Variants in SYT2 observed in about 807,000 individuals in gnomAD.
SYT2 encodes synaptotagmin-2.
A neutral mutation model predicts 39.9 loss-of-function variants in SYT2; 15 were observed. The ratio of observed to expected loss-of-function variants is 0.38; its 90% CI spans 0.25 to 0.58. SYT2 has a LOEUF of 0.58. Ranked by LOEUF, SYT2 falls within the 20% of genes least tolerant of loss-of-function variation. SYT2 has a pLI of 0.70. For missense variants in SYT2, 389 were observed against 530.3 expected, an observed-to-expected ratio of 0.73 and a Z score of 2.62; for synonymous variants, 181 against 204.5, an observed-to-expected ratio of 0.89 and a Z score of 0.98.
intron 1 of SYT2, among the ~76,000 whole-genome samples, chr1:202,612,524 C>T (rs1321828251): frequency 1.3e-5 from 2 of 152,234 alleles, no homozygotes; most frequent in Non-Finnish European, 2.9e-5. Context: ...CATGCCACCA[C>T]AACTGGCTAA....
At chr1:202,605,824 TC>T in intron 1 of SYT2, 35 bp from the exon 2 acceptor site, 1 of 1,556,828 alleles carries the variant, frequency 6.4e-7, no homozygotes, top group Non-Finnish European at 8.8e-7. Flanking sequence ...AGGGTGAGCA[TC>T]CAGAGGTCGT....
chr1:202,701,283 TGTTG>T (rs1385452576), intron 1 of SYT2, among the ~76,000 whole-genome samples: 1 of 152,228 alleles, frequency 6.6e-6, no homozygotes, highest in African/African-American at 2.4e-5. Flanking sequence ...AACTGGAGTT[TGTTG>T]GTTGTTCTTT....
intron 1 of SYT2, among the ~76,000 whole-genome samples, chr1:202,692,370 A>G (rs1653858698): frequency 6.6e-6 from 1 of 152,056 alleles, no homozygotes; most frequent in South Asian, 2.1e-4. Flanking sequence ...GGGGCAGGCA[A>G]TGAGGTATCT....
chr1:202,678,388 T>A (rs1463449112), intron 1 of SYT2, among the ~76,000 whole-genome samples: 1 of 135,802 alleles, frequency 7.4e-6, no homozygotes, highest in Non-Finnish European at 1.7e-5. Flanking sequence ...AAAGATTCTA[T>A]GACTGAGGTA....
chr1:202,655,758 C>T (rs1348810173), intron 1 of SYT2, among the ~76,000 whole-genome samples: 2 of 152,174 alleles, frequency 1.3e-5, no homozygotes, highest in Non-Finnish European at 2.9e-5. Context: ...GTCTGAGGGA[C>T]AACAGGAGTG....
chr1:202,686,442 G>A (rs1653668282), intron 1 of SYT2, among the ~76,000 whole-genome samples: 2 of 152,154 alleles, frequency 1.3e-5, no homozygotes, highest in Non-Finnish European at 2.9e-5. Flanking sequence ...AGACAGATAA[G>A]GTCTCAAGGA....
intron 1 of SYT2, among the ~76,000 whole-genome samples, chr1:202,691,541 C>T (rs12058447): frequency 0.58 from 87,274 of 151,072 alleles, 26,095 homozygotes; most frequent in East Asian, 0.78. Flanking sequence ...TTCCAGCTAC[C>T]TGGGAGGCTG....
chr1:202,687,666 C>CAAA lies in SYT2; in HGVS notation c.-18+22589_-18+22591dup, dbSNP rs59844832. ...GGGCAACAAGAGTGAAACTCCATCT[C>CAAA]AAAAAAAAAAAAAAAAAAGAAAAGA... is the stretch of plus-strand genomic sequence containing the variant. On this transcript the variant is annotated intron_variant, in intron 1 of 8. Coordinates refer to ENST00000367268, the MANE Select transcript of SYT2 (RefSeq NM_177402.5). Among the ~76,000 whole-genome samples the CAAA allele has an allele frequency of 2.1e-3, 180 of 83,812 alleles. 1 individual carries two copies. The highest frequency in any genetic ancestry group is 0.016 in the East Asian group (57 of 3,572). The allele number at this position is 83,812 out of a possible 152,430, so 55.0% of individuals were successfully genotyped here.
chr1:202,708,314 T>C lies in SYT2; in HGVS notation c.-18+1944A>G, dbSNP rs568237685. Among the ~76,000 whole-genome samples the C allele has an allele frequency of 1.6e-4, 24 of 152,080 alleles. No homozygotes were observed. In the South Asian group the frequency reaches 5.0e-3, roughly 32 times the overall value. ...GCAGACTCCCAGCAGAGTGGTCTGG[T>C]CTCTCTTCCTCCAGGGAATGGTGGG... is the stretch of plus-strand genomic sequence containing the variant. On this transcript the variant is annotated intron_variant, in intron 1 of 8. Coordinates refer to ENST00000367268, the MANE Select transcript of SYT2 (RefSeq NM_177402.5).
intron 1 of SYT2, among the ~76,000 whole-genome samples, chr1:202,697,363 C>G (rs1474012399): frequency 6.6e-6 from 1 of 152,252 alleles, no homozygotes; most frequent in Admixed American, 6.5e-5. Context: ...ATTTCATCCC[C>G]ACTTTCCAAG....
At position 202,635,183 on chromosome 1, in the gene SYT2, G is replaced by A. The variant is rs374146135; in HGVS notation, c.-17-29394C>T. Among the ~76,000 whole-genome samples, 45 of 152,224 alleles carry A rather than the reference G, an allele frequency of 3.0e-4. 1 individual carries two copies. Among genetic ancestry groups the A allele is most frequent in the African/African-American group, 5.3e-4 (22 of 41,546 alleles). On this transcript the variant is annotated intron_variant, in intron 1 of 8. Coordinates refer to ENST00000367268, the MANE Select transcript of SYT2 (RefSeq NM_177402.5). ...CCCAAAGTCCCATGGCTAGGAGGCCGCAGAACCTGATTTTGGACTTTGTGT... is the reference window on the plus strand; with the variant it reads ...CCCAAAGTCCCATGGCTAGGAGGCCACAGAACCTGATTTTGGACTTTGTGT...
rs1481735004 is a variant in SYT2 at position 202,601,128 on chromosome 1, C to T, written c.802-654G>A. On this transcript the variant is annotated intron_variant, in intron 6 of 8. Transcript: ENST00000367268. The surrounding 1 kb of genome is among the most constrained non-coding windows in gnomAD (Gnocchi z 4.0). ...TGCTCAAAGTCACACAACAATTTAG[C>T]ACTGTAGGCAGGCTGAGGACCCAGG... Among the ~76,000 whole-genome samples the T allele has an allele frequency of 6.6e-6, 1 of 152,174 alleles. No homozygotes were observed.
Position 202,604,575 on chromosome 1 carries a change from C to T in SYT2, c.225G>A (p.Leu75=), listed in dbSNP as rs1005719113. The part of the protein sequence containing the change: ...LIAIAVVAGL[L]LLTCCFCICK... ...AGATGCAGAAGCAGCAGGTGAGAAG[C>T]AGGAGCCCAGCAACCACAGCAATGG... The change falls in exon 3 of 9, where the codon CTG becomes CTA. Residue 75 remains leucine, a synonymous_variant. Transcript: ENST00000367268. The T allele has an allele frequency of 8.7e-6, 14 of 1,614,212 alleles. No homozygotes were observed. Among genetic ancestry groups the T allele is most frequent in the Middle Eastern group, 1.6e-4 (1 of 6,062 alleles).
intron 1 of SYT2, among the ~76,000 whole-genome samples, chr1:202,642,283 G>A (rs1691936631): frequency 6.6e-6 from 1 of 151,916 alleles, no homozygotes; most frequent in Admixed American, 6.5e-5. Flanking sequence ...TCACTTAAGA[G>A]AGGCCAGTGA....
rs546778549 is a variant in SYT2 at position 202,592,208 on chromosome 1, C to G, written c.*4549G>C. 7 of 152,882 alleles carry G rather than the reference C, an allele frequency of 4.6e-5. No individual in the cohort carries two copies. The highest frequency in any genetic ancestry group is 1.7e-4 in the African/African-American group (7 of 41,572). 9.5% of individuals were successfully genotyped at this position (152,882 alleles called of 1,614,324 possible). ...ACACATACACAGAACATGGAAGCTA[C>G]TGGGATGCCAGATACCAGGCTGGAC... On this transcript the variant is annotated 3_prime_UTR_variant, in exon 9 of 9. Coordinates refer to ENST00000367268, the MANE Select transcript of SYT2 (RefSeq NM_177402.5).
At chr1:202,608,591 A>G (rs1690784217) in intron 1 of SYT2, among the ~76,000 whole-genome samples, 1 of 152,194 alleles carries the variant, frequency 6.6e-6, no homozygotes, top group South Asian at 2.1e-4. Flanking sequence ...CATATTTTAT[A>G]TTTATCCATT....
At position 202,633,714 on chromosome 1, in the gene SYT2, G is replaced by A. The variant is rs189533743; in HGVS notation, c.-17-27925C>T. Reference sequence around the variant, plus strand: ...TAACTGAATGGTGAGAGGCCAGTGAGAGAGCCAGAGCTAGAATCCAGGGCC... The same window carrying A: ...TAACTGAATGGTGAGAGGCCAGTGAAAGAGCCAGAGCTAGAATCCAGGGCC... On this transcript the variant is annotated intron_variant, in intron 1 of 8. Coordinates refer to ENST00000367268, the MANE Select transcript of SYT2 (RefSeq NM_177402.5). Among the ~76,000 whole-genome samples, 108 of 152,308 alleles carry A rather than the reference G, an allele frequency of 7.1e-4. 1 individual carries two copies. The highest frequency in any genetic ancestry group is 1.9e-3 in the South Asian group (9 of 4,824).
chr1:202,685,540 G>A (rs557486865), intron 1 of SYT2, among the ~76,000 whole-genome samples: 49 of 152,204 alleles, frequency 3.2e-4, no homozygotes, highest in Non-Finnish European at 5.4e-4. Flanking sequence ...TCAGCCCTTC[G>A]TTGACCCAGC....
At chr1:202,637,560 C>T (rs969362834) in intron 1 of SYT2, among the ~76,000 whole-genome samples, 9 of 152,234 alleles carry the variant, frequency 5.9e-5, no homozygotes, top group Non-Finnish European at 1.2e-4. Context: ...CAAGTCCCAG[C>T]CCAGCCGAGC....
Sources: allele counts gnomAD v4.1 joint callset (sites outside exome capture counted in the v4.1 genomes callset), GRCh38; gene constraint gnomAD v4.1.1; non-coding constraint Gnocchi (gnomAD v3.1); transcripts MANE v1.5; gene names NCBI Gene and HGNC (gene_info 2026-07-23, HGNC 2026-07-21).